NECTIN1: variants seen among roughly 807,000 people sequenced by gnomAD.
The protein encoded by NECTIN1 is nectin-1.
Under a neutral mutation model 48.0 loss-of-function variants are expected in NECTIN1, and 23 were observed. The ratio of observed to expected loss-of-function variants is 0.48; its 90% CI spans 0.34 to 0.68. The LOEUF is 0.68. NECTIN1 is among the 30% of genes least tolerant of loss of function. NECTIN1 has a pLI of 0.01. For synonymous variants in NECTIN1, 270 were observed against 288.9 expected, an observed-to-expected ratio of 0.93 and a Z score of 0.66; for missense variants, 591 against 709.9, an observed-to-expected ratio of 0.83 and a Z score of 1.90.
chr11:119,640,025 G>T, intron 5 of NECTIN1: 1 of 1,603,448 alleles, frequency 6.2e-7, no homozygotes, highest in Non-Finnish European at 8.5e-7. Flanking sequence ...GGAAACAAAA[G>T]ACAGGGAAGA....
chr11:119,644,372 C>G (rs1175659920), intron 5 of NECTIN1, among the ~76,000 whole-genome samples: 1 of 152,202 alleles, frequency 6.6e-6, no homozygotes, highest in African/African-American at 2.4e-5. Context: ...ACCCAAGTAG[C>G]CAGCAATCTT....
intron 5 of NECTIN1, chr11:119,643,104 G>A (rs1009856848): frequency 6.5e-6 from 1 of 153,714 alleles, no homozygotes; most frequent in Non-Finnish European, 1.5e-5. Context: ...CTCTGATTTT[G>A]TTCCCTCCAA....
chr11:119,711,730 G>A (rs1865650702), intron 1 of NECTIN1, among the ~76,000 whole-genome samples: 1 of 152,194 alleles, frequency 6.6e-6, no homozygotes, highest in Non-Finnish European at 1.5e-5. Context: ...TATTTTGACT[G>A]GAACCTAAAA....
intron 7 of NECTIN1, chr11:119,638,250 G>A: frequency 6.2e-7 from 1 of 1,613,940 alleles, no homozygotes; most frequent in Non-Finnish European, 8.5e-7. Context: ...TGGACAACCT[G>A]GAAGAGAAGG....
chr11:119,675,886 G>A (rs1864938444), intron 4 of NECTIN1, among the ~76,000 whole-genome samples: 1 of 152,090 alleles, frequency 6.6e-6, no homozygotes. Context: ...CACGCCTGTA[G>A]TCCCAGTTAC....
chr11:119,701,879 T>C (rs1277041613), intron 1 of NECTIN1, among the ~76,000 whole-genome samples: 3 of 152,232 alleles, frequency 2.0e-5, no homozygotes, highest in East Asian at 1.9e-4. Context: ...GCCCCGTCCC[T>C]GTCCCTCCAC....
chr11:119,674,267 T>G (rs1265666714), intron 5 of NECTIN1: 3 of 1,129,510 alleles, frequency 2.7e-6, no homozygotes, highest in Non-Finnish European at 3.4e-6. Context: ...CCTGTCACCC[T>G]GCAGATAGCT....
chr11:119,661,297 G>C lies in NECTIN1; in HGVS notation c.*3450C>G. 3.0e-6 allele frequency: 3 copies of C among 985,948 alleles called. No individual in the cohort carries two copies. The highest frequency in any genetic ancestry group is 3.6e-6 in the Non-Finnish European group (3 of 829,954). 61.1% of individuals were successfully genotyped at this position (985,948 alleles called of 1,614,324 possible). On this transcript the variant is annotated 3_prime_UTR_variant, in exon 6 of 6. Coordinates refer to ENST00000264025, the MANE Select transcript of NECTIN1 (RefSeq NM_002855.5). ...ATTCCTCACAGCAGGGGTCAGAAGA[G>C]CAGCAGCACCGAGTGGGACAGGGGC...
intron 1 of NECTIN1, among the ~76,000 whole-genome samples, chr11:119,721,901 C>A (rs994455647): frequency 9.2e-5 from 14 of 152,236 alleles, no homozygotes; most frequent in African/African-American, 3.4e-4. Context: ...GCTGGGCCAC[C>A]CTCCAACCTA....
At chr11:119,681,317 C>A (rs1865057818) in intron 1 of NECTIN1, among the ~76,000 whole-genome samples, 1 of 152,184 alleles carries the variant, frequency 6.6e-6, no homozygotes, top group Non-Finnish European at 1.5e-5. Context: ...GGCTTGGGCC[C>A]CAGGTGAGAG....
intron 1 of NECTIN1, among the ~76,000 whole-genome samples, chr11:119,718,418 G>A (rs1460468881): frequency 1.3e-5 from 2 of 152,206 alleles, no homozygotes; most frequent in Non-Finnish European, 2.9e-5. Flanking sequence ...AAAGCAGCCG[G>A]CCCAGGAGAA....
At chr11:119,640,150 C>T (rs1168054299) in intron 5 of NECTIN1, 4 of 962,290 alleles carry the variant, frequency 4.2e-6, no homozygotes, top group Non-Finnish European at 6.3e-6. Context: ...CCCCATGGTG[C>T]TCCAGTTCTA....
rs1174299090 is a variant in NECTIN1 at position 119,664,885 on chromosome 11, A to T, written c.1416T>A (p.Asp472Glu). The T allele has an allele frequency of 6.2e-7, 1 of 1,613,880 alleles. No homozygotes were observed. The highest frequency in any genetic ancestry group is 8.5e-7 in the Non-Finnish European group (1 of 1,179,972). ...AGCCGTCCTGACGGGCCTCGGCCTC[A>T]TCCACGGTGAAGTAGGGCCGCTTGG... ...EDAKRPYFTV[D>E]EAEARQDGYG... Residue 472 changes from aspartate (D) to glutamate (E), a missense_variant, in exon 6 of 6, where the codon GAT becomes GAA. By Grantham distance (45) the Asp-to-Glu change is conservative. Coordinates refer to ENST00000264025, the MANE Select transcript of NECTIN1 (RefSeq NM_002855.5).
chr11:119,706,201 C>T (rs4938717), intron 1 of NECTIN1, among the ~76,000 whole-genome samples: 62,906 of 152,062 alleles, frequency 0.41, 13,242 homozygotes, highest in African/African-American at 0.47. Flanking sequence ...CAAATAACTT[C>T]TCACTCAAAG....
intron 1 of NECTIN1, among the ~76,000 whole-genome samples, chr11:119,699,350 A>T (rs1489647414): frequency 9.4e-6 from 1 of 105,914 alleles, no homozygotes; most frequent in African/African-American, 3.8e-5. Context: ...CCTCAAGGGA[A>T]CTCTGGGACT....
At chr11:119,716,909 A>T (rs1865752405) in intron 1 of NECTIN1, among the ~76,000 whole-genome samples, 1 of 152,238 alleles carries the variant, frequency 6.6e-6, no homozygotes, top group Non-Finnish European at 1.5e-5. Context: ...ACGCACACAC[A>T]CCATAAACCT....
rs143432624 is a variant in NECTIN1, at chr11:119,718,030, C to T, written c.79+10445G>A. Among the ~76,000 whole-genome samples, 605 of 152,334 alleles carry T rather than the reference C, an allele frequency of 4.0e-3. 5 individuals are homozygous for T. Among genetic ancestry groups the T allele is most frequent in the African/African-American group, 0.014 (589 of 41,574 alleles). On this transcript the variant is annotated intron_variant, in intron 1 of 5. Coordinates refer to ENST00000264025, the MANE Select transcript of NECTIN1 (RefSeq NM_002855.5). ...ACAGCGGAGGGTCTAGGAGGAATTT[C>T]GCTTTGGCGTCGACACAGATCAGAT... is the stretch of plus-strand genomic sequence containing the variant.
In NECTIN1 at chr11:119,664,996, G is replaced by C; in HGVS notation, c.1305C>G (p.Ser435Arg). Residue 435 changes from serine to arginine, a missense_variant, in exon 6 of 6, where the codon AGC becomes AGG. Ser to Arg is a moderately radical substitution (Grantham distance 110). Transcript: ENST00000264025. Reference protein sequence around the residue: ...EKKAGPLGGSSYEEEEEEEEG... With the variant: ...EKKAGPLGGSRYEEEEEEEEG... The stretch of plus-strand genomic sequence containing the variant: ...CCTCCTCCTCCTCCTCCTCCTCATA[G>C]CTGCTTCCACCCAGTGGGCCGGCCT... 2 of 1,612,760 alleles carry C rather than the reference G, an allele frequency of 1.2e-6. No homozygotes were observed. The highest frequency in any genetic ancestry group is 1.7e-6 in the Non-Finnish European group (2 of 1,179,348).
At chr11:119,728,079 C>T (rs1865943860) in intron 1 of NECTIN1, among the ~76,000 whole-genome samples, 2 of 152,232 alleles carry the variant, frequency 1.3e-5, no homozygotes, top group South Asian at 4.1e-4. Context: ...GACGCCCTCC[C>T]CCTGGGGCTG....
Sources: gnomAD v4.1 joint callset for allele counts (sites outside exome capture counted in the v4.1 genomes callset) on GRCh38, gnomAD v4.1.1 for gene constraint, MANE v1.5 for transcripts, NCBI Gene and HGNC (gene_info 2026-07-23, HGNC 2026-07-21) for gene names.